TIAM2: variants seen among roughly 807,000 people sequenced by gnomAD.
TIAM2 encodes TIAM Rac1 associated GEF 2, also known as rho guanine nucleotide exchange factor TIAM2.
Under a neutral mutation model 152.9 loss-of-function variants are expected in TIAM2, and 80 were observed. The ratio of observed to expected loss-of-function variants is 0.52; its 90% CI spans 0.44 to 0.63. TIAM2 has a LOEUF of 0.63. TIAM2 is among the 30% of genes least tolerant of loss of function. TIAM2 has a pLI of 0.00. For synonymous variants in TIAM2, 804 were observed against 838.0 expected (o/e 0.96, Z 0.70); for missense variants, 1,965 against 2,120.1 (o/e 0.93, Z 1.44).
intron 1 of TIAM2, among the ~76,000 whole-genome samples, chr6:155,045,423 T>A (rs1777153601): frequency 6.7e-6 from 1 of 150,066 alleles, no homozygotes; most frequent in African/African-American, 2.5e-5. Context: ...TGGGCACATT[T>A]TTCTCGAGTT....
At chr6:155,231,092 T>C (rs988146976) in intron 15 of TIAM2, among the ~76,000 whole-genome samples, 9 of 152,154 alleles carry the variant, frequency 5.9e-5, no homozygotes, top group African/African-American at 1.9e-4. Flanking sequence ...TCCGCCCACC[T>C]TGGCCTCCCA....
chr6:155,044,631 A>G (rs1411166918), intron 1 of TIAM2, among the ~76,000 whole-genome samples: 3 of 152,172 alleles, frequency 2.0e-5, no homozygotes, highest in African/African-American at 4.8e-5. Flanking sequence ...CCTGGCCAAC[A>G]TGGTGAAACC....
At chr6:155,140,953 A>G (rs1779688709) in intron 5 of TIAM2, among the ~76,000 whole-genome samples, 1 of 152,192 alleles carries the variant, frequency 6.6e-6, no homozygotes, top group African/African-American at 2.4e-5. Flanking sequence ...AGGGAAACTC[A>G]GGCAGATATC....
chr6:155,151,611 G>T (rs1236410673), intron 7 of TIAM2, among the ~76,000 whole-genome samples: 1 of 152,100 alleles, frequency 6.6e-6, no homozygotes, highest in Non-Finnish European at 1.5e-5. Context: ...GGGGATACAG[G>T]TTTTTAAGCT....
chr6:155,211,378 T>G (rs1045315909), intron 15 of TIAM2, 71 bp downstream of exon 15: 2 of 1,310,346 alleles, frequency 1.5e-6, no homozygotes, highest in African/African-American at 2.9e-5. Context: ...TTACCTAAGG[T>G]GGGGAAAGGA....
At chr6:155,252,842 C>T (rs911743801) in intron 23 of TIAM2, 106 bp from the exon 24 acceptor site, 88 of 1,014,318 alleles carry the variant, frequency 8.7e-5, no homozygotes, top group Middle Eastern at 2.4e-4. Context: ...CATGGCTGCT[C>T]GGAGACTCGC....
intron 8 of TIAM2, 88 bp from the exon 9 acceptor site, chr6:155,165,175 T>G (rs1426371399): frequency 1.4e-6 from 2 of 1,403,888 alleles, no homozygotes; most frequent in Non-Finnish European, 1.9e-6. Flanking sequence ...CAGAATGCAT[T>G]TATAGCAAGC....
At position 155,162,257 on chromosome 6, in the gene TIAM2, C is replaced by T. The variant is rs73575668; in HGVS notation, c.2029-2158C>T. On this transcript the variant is annotated intron_variant, in intron 7 of 26. Transcript: ENST00000682666. ...ACAGGCATGAGCCACTGTGCCTTGC[C>T]GACTCATTCATTTTCTTTCCTCTTA... 2.9e-3 allele frequency among the ~76,000 whole-genome samples: 443 copies of T among 152,246 alleles called. 5 individuals are homozygous for T. Among genetic ancestry groups the T allele is most frequent in the African/African-American group, 0.01 (417 of 41,546 alleles).
chr6:154,999,573 G>A (rs191864663), intron 1 of TIAM2, among the ~76,000 whole-genome samples: 76 of 152,240 alleles, frequency 5.0e-4, no homozygotes, highest in Middle Eastern at 3.4e-3. Flanking sequence ...ACAGAAAAGC[G>A]TAATGAAAAA....
chr6:154,998,854 A>G (rs1778265833), intron 1 of TIAM2, among the ~76,000 whole-genome samples: 1 of 152,180 alleles, frequency 6.6e-6, no homozygotes, highest in Non-Finnish European at 1.5e-5. Context: ...AAGTACCTAT[A>G]AGAACAGCCT....
At chr6:155,147,723 G>T (rs1779849755) in intron 6 of TIAM2, among the ~76,000 whole-genome samples, 1 of 152,196 alleles carries the variant, frequency 6.6e-6, no homozygotes, top group Admixed American at 6.5e-5. Context: ...GACCTCAGGT[G>T]ATCCACCTGC....
At chr6:155,224,726 G>A (rs916305825) in intron 15 of TIAM2, among the ~76,000 whole-genome samples, 42 of 152,210 alleles carry the variant, frequency 2.8e-4, no homozygotes, top group African/African-American at 9.2e-4. Flanking sequence ...CTGCCTTTGC[G>A]CTCTCTCATT....
intron 1 of TIAM2, among the ~76,000 whole-genome samples, chr6:155,045,065 T>G (rs1051448021): frequency 6.7e-6 from 1 of 149,506 alleles, no homozygotes; most frequent in African/African-American, 2.5e-5. Flanking sequence ...TTTTTTTTTT[T>G]TTTGAGACAG....
intron 9 of TIAM2, 29 bp from the exon 10 acceptor site, chr6:155,176,787 C>T: frequency 6.2e-7 from 1 of 1,601,286 alleles, no homozygotes; most frequent in Non-Finnish European, 8.5e-7. Context: ...TCAAATTTGT[C>T]TGCATTTTCT....
At chr6:155,173,223 C>T (rs1780677382) in intron 9 of TIAM2, among the ~76,000 whole-genome samples, 1 of 151,438 alleles carries the variant, frequency 6.6e-6, no homozygotes, top group African/African-American at 2.4e-5. Context: ...GTCTGCCTAA[C>T]ACACACCAAA....
chr6:155,253,038 C>T lies in TIAM2; in HGVS notation c.4210C>T (p.Leu1404=). 1 of 1,614,018 alleles carries T rather than the reference C, an allele frequency of 6.2e-7. No homozygotes were observed. The highest frequency in any genetic ancestry group is 1.1e-5 in the South Asian group (1 of 91,068). The change falls in exon 24 of 27, where the codon CTG becomes TTG. Residue 1404 remains leucine (L), a synonymous_variant. Coordinates refer to ENST00000682666, the MANE Select transcript of TIAM2 (RefSeq NM_012454.4). ...LIPISALQVR[L]GNPAGTENNS... Reference sequence around the variant, plus strand: ...CCCCATCTCCGCGCTTCAAGTCAGACTGGGGAATCCAGCAGGTAACTGTTT... The same window carrying T: ...CCCCATCTCCGCGCTTCAAGTCAGATTGGGGAATCCAGCAGGTAACTGTTT...
At chr6:155,176,721 C>T in intron 9 of TIAM2, 95 bp from the exon 10 acceptor site, 1 of 1,385,032 alleles carries the variant, frequency 7.2e-7, no homozygotes, top group Non-Finnish European at 9.9e-7. Flanking sequence ...AGCGTTTACT[C>T]TAAATACTCC....
chr6:155,192,341 G>A (rs1483810828), intron 14 of TIAM2, among the ~76,000 whole-genome samples: 1 of 152,056 alleles, frequency 6.6e-6, no homozygotes, highest in Non-Finnish European at 1.5e-5. Context: ...TCTGGTATTC[G>A]GGGTGCCATG....
At chr6:155,179,734 G>A (rs1464017264) in intron 12 of TIAM2, among the ~76,000 whole-genome samples, 3 of 152,166 alleles carry the variant, frequency 2.0e-5, no homozygotes, top group Admixed American at 6.6e-5. Context: ...CACAATGAAT[G>A]TACTGTGTGC....
Sources: allele counts gnomAD v4.1 joint callset (sites outside exome capture counted in the v4.1 genomes callset), GRCh38; gene constraint gnomAD v4.1.1; transcripts MANE v1.5; gene names NCBI Gene and HGNC (gene_info 2026-07-23, HGNC 2026-07-21).